RASGRF1: variants seen among roughly 807,000 people sequenced by gnomAD.
RASGRF1 encodes ras-specific guanine nucleotide-releasing factor 1.
A neutral mutation model predicts 138.7 loss-of-function variants in RASGRF1; 40 were observed. The observed-to-expected ratio is 0.29, with a 90% CI of 0.22 to 0.38. The LOEUF is 0.38. RASGRF1 is among the 10% of genes least tolerant of loss of function. The pLI, the probability that RASGRF1 is intolerant of heterozygous loss-of-function variation, is 1.00. For missense variants in RASGRF1, 1,108 were observed against 1,650.4 expected (o/e 0.67, Z 5.69); for synonymous variants, 614 against 663.2 (o/e 0.93, Z 1.14).
chr15:78,977,232 G>C (rs1356672637), intron 24 of RASGRF1, among the ~76,000 whole-genome samples: 1 of 152,128 alleles, frequency 6.6e-6, no homozygotes, highest in Non-Finnish European at 1.5e-5. Context: ...CCTGGCTGTG[G>C]GATGGGCTAT....
At chr15:78,971,272 T>C (rs1367920307) in intron 26 of RASGRF1, among the ~76,000 whole-genome samples, 1 of 152,174 alleles carries the variant, frequency 6.6e-6, no homozygotes, top group East Asian at 1.9e-4. Flanking sequence ...ACCTAAATGT[T>C]CATCAATACA....
intron 5 of RASGRF1, among the ~76,000 whole-genome samples, chr15:79,042,178 T>A (rs910974485): frequency 2.0e-5 from 3 of 152,220 alleles, no homozygotes; most frequent in Non-Finnish European, 4.4e-5. Context: ...TGCAACATCC[T>A]CAATGAATCT....
At position 79,031,405 on chromosome 15, in the gene RASGRF1, C is replaced by T. The variant is rs2057134581; in HGVS notation, c.1257G>A (p.Leu419=). 1 of 1,605,420 alleles carries T rather than the reference C, an allele frequency of 6.2e-7. No homozygotes were observed. Among genetic ancestry groups the T allele is most frequent in the Non-Finnish European group, 8.5e-7 (1 of 1,174,872 alleles). ...ACTGAAGAGCCAGGCCTCACCTGGACAGCTCCTCCAGTTTGGACTTGGCGT... is the reference window on the plus strand; with the variant it reads ...ACTGAAGAGCCAGGCCTCACCTGGATAGCTCCTCCAGTTTGGACTTGGCGT... ...LDYAKSKLEE[L]SRIMHDEVSE... Residue 419 remains leucine, a synonymous_variant, in exon 8 of 27, where the codon CTG becomes CTA. Transcript: ENST00000558480.
intron 3 of RASGRF1, among the ~76,000 whole-genome samples, chr15:79,053,718 G>A (rs1022968856): frequency 6.6e-6 from 1 of 152,206 alleles, no homozygotes; most frequent in Non-Finnish European, 1.5e-5. Context: ...TGGCTGGGGT[G>A]GGTGCCACAG....
chr15:79,049,666 G>T, intron 3 of RASGRF1, 78 bp from the exon 4 acceptor site: 1 of 1,263,498 alleles, frequency 7.9e-7, no homozygotes, highest in Non-Finnish European at 1.1e-6. Context: ...TGGGTGGCAG[G>T]AACAGGGTGG....
chr15:78,969,064 C>A (rs1005047159), intron 26 of RASGRF1, among the ~76,000 whole-genome samples: 1 of 152,174 alleles, frequency 6.6e-6, no homozygotes, highest in East Asian at 1.9e-4. Flanking sequence ...AATCTCTCTC[C>A]CCCAAGAAAC....
intron 21 of RASGRF1, among the ~76,000 whole-genome samples, chr15:78,990,849 A>G (rs1235210863): frequency 6.6e-6 from 1 of 152,218 alleles, no homozygotes; most frequent in Non-Finnish European, 1.5e-5. Flanking sequence ...CTAGAGGGAC[A>G]TATCAGGAAT....
chr15:79,047,205 T>C (rs2141025783), intron 4 of RASGRF1, among the ~76,000 whole-genome samples: 1 of 152,294 alleles, frequency 6.6e-6, no homozygotes, highest in East Asian at 1.9e-4. Flanking sequence ...CCTGAGTCAG[T>C]TTTCCCATCT....
chr15:79,014,636 C>T (rs536797289), intron 13 of RASGRF1, among the ~76,000 whole-genome samples: 5 of 152,126 alleles, frequency 3.3e-5, no homozygotes, highest in South Asian at 2.1e-4. Context: ...AAATTGGAGC[C>T]GGAGGCGGTG....
In RASGRF1 at chr15:78,973,524, G is replaced by A. The variant is rs3743195; in HGVS notation, c.3495-104C>T. 0.3 allele frequency: 245,550 copies of A among 805,412 alleles called. 39,393 individuals carry two copies. The highest frequency in any genetic ancestry group is 0.34 in the Non-Finnish European group (163,666 of 487,760). 49.9% of individuals were successfully genotyped at this position (805,412 alleles called of 1,614,324 possible). A position where few individuals can be genotyped will look rare whatever the true frequency, so the allele number is the denominator to read the frequency against. On this transcript the variant is annotated intron_variant, in intron 24 of 26. Transcript: ENST00000558480. The surrounding 1 kb of genome is among the most constrained non-coding windows in gnomAD (Gnocchi z 4.9). ...ACCTTTTGCTTTGCTAGAGGCAAAG[G>A]GACTTGCAGTCACCAAGAATCACAC...
At chr15:78,979,118 C>G in intron 24 of RASGRF1, 1 of 1,289,826 alleles carries the variant, frequency 7.8e-7, no homozygotes, top group Non-Finnish European at 1.0e-6. Flanking sequence ...ACGGAGGGGG[C>G]AGCTCCCCAC....
intron 24 of RASGRF1, chr15:78,980,388 C>G (rs986868434): frequency 2.5e-6 from 1 of 402,294 alleles, no homozygotes; most frequent in African/African-American, 2.0e-5. Flanking sequence ...TTCAGGGATC[C>G]CAGCAGTATT....
chr15:79,043,273 T>C (rs1361854765), intron 5 of RASGRF1, among the ~76,000 whole-genome samples: 1 of 152,230 alleles, frequency 6.6e-6, no homozygotes, highest in Non-Finnish European at 1.5e-5. Flanking sequence ...CTATTTTGTA[T>C]ATATGCACAT....
rs1002429005 is a variant in RASGRF1, at chr15:79,046,512, G to T, written c.878+234C>A. 6.6e-6 allele frequency among the ~76,000 whole-genome samples: 1 copy of T among 152,188 alleles called. No homozygotes were observed. The highest frequency in any genetic ancestry group is 1.5e-5 in the Non-Finnish European group (1 of 68,026). ...TTCCCCACGGAGCAAAACTGCCCCA[G>T]TTGAGGCCCACTGGTTTGGACCTAT... On this transcript the variant is annotated intron_variant, in intron 5 of 26. Coordinates refer to ENST00000558480, the MANE Select transcript of RASGRF1 (RefSeq NM_001145648.3). This position sits in a 1 kb window ranked among gnomAD's most constrained non-coding sequence, Gnocchi z 5.3.
chr15:79,008,316 G>A (rs996045112), intron 13 of RASGRF1, among the ~76,000 whole-genome samples: 3 of 152,242 alleles, frequency 2.0e-5, no homozygotes, highest in Non-Finnish European at 4.4e-5. Context: ...GCAGGGCAGT[G>A]GGATTTCTTT....
At chr15:78,975,455 C>G (rs1238380953) in intron 24 of RASGRF1, among the ~76,000 whole-genome samples, 1 of 149,840 alleles carries the variant, frequency 6.7e-6, no homozygotes, top group Non-Finnish European at 1.5e-5. Context: ...TTGCATCCTT[C>G]CATCCCTTCC....
chr15:79,059,607 T>G (rs544321506), intron 2 of RASGRF1, among the ~76,000 whole-genome samples: 38 of 152,098 alleles, frequency 2.5e-4, no homozygotes, highest in African/African-American at 7.5e-4. Flanking sequence ...GGAGCTAGAG[T>G]CGGGCTCCAG....
chr15:79,078,452 C>T (rs994825755), intron 1 of RASGRF1, among the ~76,000 whole-genome samples: 1 of 152,186 alleles, frequency 6.6e-6, no homozygotes, highest in African/African-American at 2.4e-5. Flanking sequence ...TCACTAAGCA[C>T]ATTATTCCCA....
intron 24 of RASGRF1, chr15:78,978,930 G>A (rs1222485027): frequency 2.4e-6 from 3 of 1,276,506 alleles, no homozygotes; most frequent in Non-Finnish European, 2.0e-6. Flanking sequence ...ACACTTACAC[G>A]GGCCCACAGG....
Sources: gnomAD v4.1 joint callset for allele counts (sites outside exome capture counted in the v4.1 genomes callset) on GRCh38, gnomAD v4.1.1 for gene constraint, Gnocchi (gnomAD v3.1) non-coding constraint, MANE v1.5 for transcripts, NCBI Gene and HGNC (gene_info 2026-07-23, HGNC 2026-07-21) for gene names.